Variants in MYO16 observed in about 807,000 individuals in gnomAD.
MYO16 encodes myosin XVI, also known as unconventional myosin-XVI.
A neutral mutation model predicts 205.3 loss-of-function variants in MYO16; 94 were observed. That is an observed-to-expected ratio of 0.46 (90% CI 0.39 to 0.54). MYO16 has a LOEUF of 0.54. Among genes scored for constraint, MYO16 ranks in the 20% least tolerant of loss-of-function variants. MYO16 has a pLI of 0.00. For synonymous variants in MYO16, 988 were observed against 954.0 expected (o/e 1.04, Z -0.66); for missense variants, 2,315 against 2,387.5 (o/e 0.97, Z 0.63).
intron 17 of MYO16, among the ~76,000 whole-genome samples, chr13:108,960,513 T>C (rs1883542417): frequency 6.6e-6 from 1 of 152,190 alleles, no homozygotes; most frequent in Non-Finnish European, 1.5e-5. Flanking sequence ...TCATACCTTA[T>C]TATGAAAACT....
In MYO16 at chr13:108,853,954, TTGTGTG is replaced by T. The variant is rs5806760; in HGVS notation, c.1249-1461_1249-1456del. On this transcript the variant is annotated intron_variant, in intron 10 of 34. Coordinates refer to ENST00000457511, the MANE Select transcript of MYO16 (RefSeq NM_001198950.3). ...CACTACTCAATTTGTGTTTCTATTA[TTGTGTG>T]TGTGTGTGTGTGTGTGTGTGTGTGT... is the stretch of plus-strand genomic sequence containing the variant. Among the ~76,000 whole-genome samples the T allele has an allele frequency of 2.7e-4, 38 of 138,592 alleles. 1 individual carries two copies. The highest frequency in any genetic ancestry group is 1.4e-3 in the Admixed American group (20 of 13,822). 90.9% of individuals were successfully genotyped at this position (138,592 alleles called of 152,430 possible). A position where few individuals can be genotyped will look rare whatever the true frequency, so the allele number is the denominator to read the frequency against.
chr13:109,068,948 T>G lies in MYO16; in HGVS notation c.3335+13353T>G, dbSNP rs186114576. ...AAATGGGTCAATAGTCAACAATGTG[T>G]TACTTTATCGATCTCCAGGCCACTC... On this transcript the variant is annotated intron_variant, in intron 27 of 34. Transcript: ENST00000457511. Among the ~76,000 whole-genome samples the G allele has an allele frequency of 4.1e-3, 629 of 152,276 alleles. 5 individuals are homozygous for G. Among genetic ancestry groups the G allele is most frequent in the Middle Eastern group, 6.8e-3 (2 of 294 alleles).
chr13:108,778,887 G>T (rs1886211792), intron 4 of MYO16, among the ~76,000 whole-genome samples: 1 of 152,138 alleles, frequency 6.6e-6, no homozygotes, highest in Admixed American at 6.5e-5. Flanking sequence ...TTGAGCTTAT[G>T]GTTAAAGGAC....
At chr13:108,608,443 G>A (rs554037780) in intron 1 of MYO16, among the ~76,000 whole-genome samples, 4 of 152,118 alleles carry the variant, frequency 2.6e-5, no homozygotes, top group Non-Finnish European at 5.9e-5. Context: ...ATCGGACCTA[G>A]CCAGAACCCT....
chr13:108,980,149 T>G (rs1884403407), intron 20 of MYO16, among the ~76,000 whole-genome samples: 1 of 152,216 alleles, frequency 6.6e-6, no homozygotes, highest in African/African-American at 2.4e-5. Context: ...TAATGACTAA[T>G]ATGTTATTAC....
chr13:108,908,980 A>T (rs1454760905), intron 15 of MYO16, among the ~76,000 whole-genome samples: 4 of 147,622 alleles, frequency 2.7e-5, no homozygotes, highest in Non-Finnish European at 6.0e-5. Context: ...CTCAAAAAAA[A>T]TAAAATAAAA....
chr13:108,806,976 C>T lies in MYO16; in HGVS notation c.867+172C>T, dbSNP rs575276834. ...TTATGGTTAAAGGAAAATGCTTATACAAGAGCACATGTTCCTTATGTATCT... is the reference window on the plus strand; with the variant it reads ...TTATGGTTAAAGGAAAATGCTTATATAAGAGCACATGTTCCTTATGTATCT... On this transcript the variant is annotated intron_variant, in intron 7 of 34. Transcript: ENST00000457511. Among the ~76,000 whole-genome samples, 27 of 152,232 alleles carry T rather than the reference C, an allele frequency of 1.8e-4. No individual in the cohort carries two copies. The South Asian group carries it at 4.3e-3, about 25-fold the overall frequency.
chr13:108,585,246 G>A, the MYO16 span, among the ~76,000 whole-genome samples: 9 of 152,268 alleles, frequency 5.9e-5, no homozygotes, highest in South Asian at 2.1e-4. Flanking sequence ...ATGTATTTTA[G>A]CAAGGCATGA....
chr13:109,090,341 C>T (rs1888580119), intron 27 of MYO16, among the ~76,000 whole-genome samples: 1 of 152,196 alleles, frequency 6.6e-6, no homozygotes. Flanking sequence ...GCTGAAGTCC[C>T]CTTTCCATCT....
intron 4 of MYO16, among the ~76,000 whole-genome samples, chr13:108,777,983 C>A (rs1326775827): frequency 6.6e-6 from 1 of 152,150 alleles, no homozygotes; most frequent in African/African-American, 2.4e-5. Context: ...TATCCAGTCT[C>A]TCTTGTTAAA....
At chr13:108,985,269 G>A (rs1471891070) in intron 20 of MYO16, among the ~76,000 whole-genome samples, 2 of 152,180 alleles carry the variant, frequency 1.3e-5, no homozygotes, top group African/African-American at 2.4e-5. Context: ...TTTTATTCAT[G>A]CTGTGTTTCT....
At chr13:108,712,875 A>G in intron 3 of MYO16, 144 bp downstream of exon 3, 1 of 594,344 alleles carries the variant, frequency 1.7e-6, no homozygotes, top group Non-Finnish European at 2.8e-6. Context: ...TTGGATGATA[A>G]GCTGCAATTA....
At chr13:108,964,669 T>C in intron 19 of MYO16, 92 bp from the exon 20 acceptor site, 5 of 1,282,992 alleles carry the variant, frequency 3.9e-6, no homozygotes, top group Non-Finnish European at 5.4e-6. Flanking sequence ...CTTGTGGATG[T>C]GTGGGGAATT....
chr13:108,557,729 A>G, the MYO16 span, among the ~76,000 whole-genome samples: 1 of 152,170 alleles, frequency 6.6e-6, no homozygotes, highest in African/African-American at 2.4e-5. Context: ...ATATAAATAT[A>G]ATGAATGAAA....
intron 1 of MYO16, among the ~76,000 whole-genome samples, chr13:108,651,317 T>C (rs1162468520): frequency 6.6e-6 from 1 of 152,198 alleles, no homozygotes; most frequent in Non-Finnish European, 1.5e-5. Context: ...ACTGGGATAA[T>C]GAAGCAGAAA....
chr13:108,844,191 G>T, intron 9 of MYO16, 152 bp from the exon 10 acceptor site: 1 of 510,114 alleles, frequency 2.0e-6, no homozygotes, highest in African/African-American at 1.9e-5. Context: ...AAAGTTTACA[G>T]ATTTCTTACT....
At chr13:109,022,220 A>C (rs1470508196) in intron 23 of MYO16, among the ~76,000 whole-genome samples, 3 of 133,860 alleles carry the variant, frequency 2.2e-5, no homozygotes, top group East Asian at 2.0e-4. Context: ...TTTTATATTT[A>C]TATATTATAT....
intron 33 of MYO16, among the ~76,000 whole-genome samples, chr13:109,176,767 C>T (rs1260228479): frequency 6.6e-6 from 1 of 151,128 alleles, no homozygotes; most frequent in Non-Finnish European, 1.5e-5. Context: ...CCCACCCCCT[C>T]CTCCACATGC....
the MYO16 span, among the ~76,000 whole-genome samples, chr13:108,518,599 G>T: frequency 0.99 from 151,078 of 152,318 alleles, 74,942 homozygotes; most frequent in East Asian, 1. Context: ...TCCTAAATTA[G>T]AGCTTCCATT....
Sources: gnomAD v4.1 joint callset for allele counts (sites outside exome capture counted in the v4.1 genomes callset) on GRCh38, gnomAD v4.1.1 for gene constraint, MANE v1.5 for transcripts, NCBI Gene and HGNC (gene_info 2026-07-23, HGNC 2026-07-21) for gene names.